Variants in FCSK observed in about 807,000 individuals in gnomAD.
FCSK encodes L-fucose kinase.
FCSK carries 123 observed loss-of-function variants against 122.5 expected under a neutral mutation model. That is an observed-to-expected ratio of 1.00 (90% CI 0.87 to 1.17). The LOEUF (loss-of-function observed/expected upper bound fraction) is 1.17, where lower values mean the gene tolerates loss of function less well. Ranked by LOEUF, FCSK falls within the 50% of genes most tolerant of loss-of-function variation. The pLI is 0.00. For synonymous variants in FCSK, 620 were observed against 625.5 expected (o/e 0.99, Z 0.13); for missense variants, 1,366 against 1,450.4 (o/e 0.94, Z 0.95).
chr16:70,471,365 C>T lies in FCSK; in HGVS notation c.1341+13C>T, dbSNP rs1188783651. ...GGACAGCTGGGAGGTAGGCAGTCAC[C>T]CTGCATTCCCTCACCCCCATCTTCA... On this transcript the variant is annotated intron_variant, in intron 13 of 23. Transcript: ENST00000288078. 3.2e-6 allele frequency: 5 copies of T among 1,553,046 alleles called. No individual in the cohort carries two copies. The highest frequency in any genetic ancestry group is 4.4e-6 in the Non-Finnish European group (5 of 1,143,814).
At position 70,473,251 on chromosome 16, in the gene FCSK, C is replaced by A. The variant is rs567507852; in HGVS notation, c.1675C>A (p.Arg559=). 3.1e-5 allele frequency: 47 copies of A among 1,533,008 alleles called. 1 individual carries two copies. The highest frequency in any genetic ancestry group is 3.6e-5 in the South Asian group (3 of 83,828). The allele number at this position is 1,533,008 out of a possible 1,614,324, so 95.0% of individuals were successfully genotyped here. Residue 559 remains arginine (R), a synonymous_variant, in exon 15 of 24, where the codon CGG becomes AGG. Coordinates refer to ENST00000288078, the MANE Select transcript of FCSK (RefSeq NM_145059.3). This position sits in a 1 kb window ranked among gnomAD's most constrained non-coding sequence, Gnocchi z 4.9. ...LFFRQALHKA[R]HVLEARQDLS... The stretch of plus-strand genomic sequence containing the variant: ...CTTCCGCCAGGCCCTGCATAAGGCG[C>A]GGCACGTGCTGGAGGCCCGGCAGGA...
In FCSK at chr16:70,473,151, C is replaced by T. The variant is rs1488245930; in HGVS notation, c.1575C>T (p.Ser525=). Residue 525 remains serine (S), a synonymous_variant, in exon 15 of 24, where the codon TCC becomes TCT. Coordinates refer to ENST00000288078, the MANE Select transcript of FCSK (RefSeq NM_145059.3). The surrounding 1 kb of genome is among the most constrained non-coding windows in gnomAD (Gnocchi z 4.9). ...AGGCCCTGCGAGCCTGGCGGGCCTC[C>T]TGGCGCCTGTCCTGGGAGCAGCTGC... ...GGEALRAWRA[S]WRLSWEQLQP... 1.9e-6 allele frequency: 3 copies of T among 1,551,506 alleles called. No homozygotes were observed. Among genetic ancestry groups the T allele is most frequent in the East Asian group, 2.4e-5 (1 of 41,450 alleles).
chr16:70,477,167 C>T (rs2048843059), intron 20 of FCSK, among the ~76,000 whole-genome samples: 1 of 152,160 alleles, frequency 6.6e-6, no homozygotes, highest in Non-Finnish European at 1.5e-5. Context: ...AGAAGCAACT[C>T]AAGTTTTGTT....
At chr16:70,464,879 A>G in intron 3 of FCSK, 1 of 715,776 alleles carries the variant, frequency 1.4e-6, no homozygotes, top group Non-Finnish European at 2.3e-6. Context: ...CCCTGTCTCA[A>G]AACAACAACA....
In FCSK at chr16:70,473,081, C is replaced by T. The variant is rs760928009; in HGVS notation, c.1505C>T (p.Pro502Leu). 4.7e-5 allele frequency: 75 copies of T among 1,590,502 alleles called. No individual in the cohort carries two copies. Among genetic ancestry groups the T allele is most frequent in the Non-Finnish European group, 6.1e-5 (71 of 1,169,484 alleles). The change falls in exon 15 of 24, where the codon CCC becomes CTC. Residue 502 changes from proline (P) to leucine (L), a missense_variant. By Grantham distance (98) the Pro-to-Leu change is moderately conservative. Coordinates refer to ENST00000288078, the MANE Select transcript of FCSK (RefSeq NM_145059.3). This position sits in a 1 kb window ranked among gnomAD's most constrained non-coding sequence, Gnocchi z 4.9. The part of the protein sequence containing the change: ...PVLHPSRELG[P>L]QDLLWMLDHQ... ...CTCCACCCCTCGAGGGAGCTGGGAC[C>T]CCAGGACCTGCTGTGGATGCTGGAC...
rs1242055326 is a variant in FCSK, at chr16:70,473,364, A to C, written c.1777+11A>C. On this transcript the variant is annotated intron_variant, in intron 15 of 23. Coordinates refer to ENST00000288078, the MANE Select transcript of FCSK (RefSeq NM_145059.3). This position sits in a 1 kb window ranked among gnomAD's most constrained non-coding sequence, Gnocchi z 4.9. ...CCACGCTGGACCAGGGTGAGTGTGC[A>C]GGCTGGTAGTGCTGCAGAATCAGGC... The C allele has an allele frequency of 6.8e-7, 1 of 1,480,446 alleles. No individual in the cohort carries two copies. The highest frequency in any genetic ancestry group is 2.5e-5 in the East Asian group (1 of 39,836). The allele number at this position is 1,480,446 out of a possible 1,614,324, so 91.7% of individuals were successfully genotyped here. A position where few individuals can be genotyped will look rare whatever the true frequency, so the allele number is the denominator to read the frequency against.
chr16:70,467,621 G>A (rs2048464894), intron 7 of FCSK, 150 bp downstream of exon 7: 2 of 675,432 alleles, frequency 3.0e-6, no homozygotes, highest in East Asian at 2.7e-5. Flanking sequence ...TGGCACCAGT[G>A]CTCCCTTACT....
In FCSK at chr16:70,475,350, GGGCCCTGCTGAA is replaced by G; in HGVS notation, c.2382_2393del (p.Leu795_Ala798del). 1 of 1,609,754 alleles carries G rather than the reference GGGCCCTGCTGAA, an allele frequency of 6.2e-7. No homozygotes were observed. The highest frequency in any genetic ancestry group is 8.5e-7 in the Non-Finnish European group (1 of 1,179,842). On this transcript the variant is annotated inframe_deletion and splice_region_variant, in exon 19 of 24. Coordinates refer to ENST00000288078, the MANE Select transcript of FCSK (RefSeq NM_145059.3). ...CTTTCTCATGCCTGTCCTTCTGCAG[GGGCCCTGCTGAA>G]GGCGGCCTTCATCTGTGCAGGGATC...
In FCSK at chr16:70,474,711, A is replaced by C; in HGVS notation, c.2155+17A>C. On this transcript the variant is annotated intron_variant, in intron 17 of 23. Coordinates refer to ENST00000288078, the MANE Select transcript of FCSK (RefSeq NM_145059.3). Reference sequence around the variant, plus strand: ...ATTTCTCTGGTGAGCCCCTTGTGGCAGGTGGGGTTGAGGGTAGCTGCCCCA... The same window carrying C: ...ATTTCTCTGGTGAGCCCCTTGTGGCCGGTGGGGTTGAGGGTAGCTGCCCCA... 6.3e-7 allele frequency: 1 copy of C among 1,589,470 alleles called. No homozygotes were observed. Among genetic ancestry groups the C allele is most frequent in the Non-Finnish European group, 8.6e-7 (1 of 1,167,784 alleles).
chr16:70,478,182 C>A, intron 20 of FCSK, 90 bp from the exon 21 acceptor site: 2 of 1,338,982 alleles, frequency 1.5e-6, no homozygotes, highest in Non-Finnish European at 2.1e-6. Flanking sequence ...CCACACTGGT[C>A]CCAGCAAGGG....
At chr16:70,478,824 C>G in intron 22 of FCSK, 174 bp downstream of exon 22, 1 of 714,608 alleles carries the variant, frequency 1.4e-6, no homozygotes, top group Non-Finnish European at 2.5e-6. Context: ...AGAGCTACAT[C>G]TGAGGACAAA....
At chr16:70,464,167 C>T (rs567951607) in intron 3 of FCSK, among the ~76,000 whole-genome samples, 1 of 152,170 alleles carries the variant, frequency 6.6e-6, no homozygotes, top group Non-Finnish European at 1.5e-5. Context: ...ATGCAACCAG[C>T]CACTTCACCC....
chr16:70,479,413 G>A lies in FCSK; in HGVS notation c.3153+10G>A. On this transcript the variant is annotated intron_variant, in intron 23 of 23. Coordinates refer to ENST00000288078, the MANE Select transcript of FCSK (RefSeq NM_145059.3). ...GCTGGCCAAGACCGAGGTACTGATG[G>A]GGCTGGGGTTGGTAAAGAGACCTCT... is the stretch of plus-strand genomic sequence containing the variant. 6.2e-7 allele frequency: 1 copy of A among 1,608,684 alleles called. No homozygotes were observed. The highest frequency in any genetic ancestry group is 1.7e-5 in the Admixed American group (1 of 59,434).
chr16:70,470,296 G>A lies in FCSK; in HGVS notation c.956-18G>A. On this transcript the variant is annotated intron_variant, in intron 10 of 23. Coordinates refer to ENST00000288078, the MANE Select transcript of FCSK (RefSeq NM_145059.3). ...CGCAGCAGGCATGGGGTTGGGTTCA[G>A]TACTTATGTCTTTACAGCCTATGTC... 1 of 1,581,224 alleles carries A rather than the reference G, an allele frequency of 6.3e-7. No homozygotes were observed. The highest frequency in any genetic ancestry group is 1.3e-5 in the African/African-American group (1 of 74,384).
At chr16:70,475,100 C>T (rs2048762607) in intron 18 of FCSK, 89 bp downstream of exon 18, 5 of 1,283,070 alleles carry the variant, frequency 3.9e-6, no homozygotes, top group South Asian at 2.8e-5. Context: ...GGGGTCTGGC[C>T]TGAGGGCCAG....
chr16:70,475,039 G>A, intron 18 of FCSK, 28 bp downstream of exon 18: 1 of 1,558,208 alleles, frequency 6.4e-7, no homozygotes, highest in Non-Finnish European at 8.7e-7. Context: ...CTCTGCAGGT[G>A]GGGCTGGCCA....
At chr16:70,474,104 C>T (rs1200269815) in intron 15 of FCSK, 25 bp from the exon 16 acceptor site, 7 of 1,545,548 alleles carry the variant, frequency 4.5e-6, no homozygotes, top group Non-Finnish European at 6.1e-6. Flanking sequence ...TCCTCCCCTG[C>T]CACCCCCAAC....
At chr16:70,474,018 CAGG>C in intron 15 of FCSK, 108 bp from the exon 16 acceptor site, 1 of 975,874 alleles carries the variant, frequency 1.0e-6, no homozygotes, top group South Asian at 1.5e-5. Flanking sequence ...GGGCAAAAGC[CAGG>C]AGGTGTGAGG....
chr16:70,478,783 T>A, intron 22 of FCSK, 133 bp downstream of exon 22: 1 of 771,458 alleles, frequency 1.3e-6, no homozygotes, highest in Non-Finnish European at 2.2e-6. Flanking sequence ...AAGCCTACTG[T>A]CTGTCCTCTC....
Sources: allele counts gnomAD v4.1 joint callset (sites outside exome capture counted in the v4.1 genomes callset), GRCh38; gene constraint gnomAD v4.1.1; non-coding constraint Gnocchi (gnomAD v3.1); transcripts MANE v1.5; gene names NCBI Gene and HGNC (gene_info 2026-07-23, HGNC 2026-07-21).